The following ATOH8 variants were observed in gnomAD, a reference collection of about 807,000 sequenced individuals.
ATOH8 encodes transcription factor ATOH8.
A neutral mutation model predicts 21.2 loss-of-function variants in ATOH8; 9 were observed. The ratio of observed to expected loss-of-function variants is 0.42; its 90% CI spans 0.26 to 0.74. The LOEUF (loss-of-function observed/expected upper bound fraction) is 0.74, where lower values mean the gene tolerates loss of function less well. ATOH8 is among the 30% of genes least tolerant of loss of function. The pLI, the probability that ATOH8 is intolerant of heterozygous loss-of-function variation, is 0.24. For synonymous variants in ATOH8, 253 were observed against 224.0 expected (o/e 1.13, Z -1.16); for missense variants, 524 against 470.9 (o/e 1.11, Z -1.04).
At chr2:85,769,696 G>A (rs954257516) in intron 2 of ATOH8, among the ~76,000 whole-genome samples, 2 of 152,188 alleles carry the variant, frequency 1.3e-5, no homozygotes, top group Non-Finnish European at 2.9e-5. Context: ...CTGAGGGTGT[G>A]TAGGAGGGGC....
chr2:85,759,899 G>A (rs1312023354), intron 1 of ATOH8, among the ~76,000 whole-genome samples: 2 of 152,110 alleles, frequency 1.3e-5, no homozygotes, highest in African/African-American at 4.8e-5. Flanking sequence ...TCTCTGGTGG[G>A]TTCTCGGAGT....
intron 1 of ATOH8, 26 bp downstream of exon 1, chr2:85,754,983 C>T: frequency 1.3e-6 from 2 of 1,565,518 alleles, no homozygotes; most frequent in Non-Finnish European, 1.7e-6. Flanking sequence ...CGCACGCCCT[C>T]ACTGCGCCGG....
intron 2 of ATOH8, among the ~76,000 whole-genome samples, chr2:85,777,200 G>A (rs915603538): frequency 6.6e-6 from 1 of 152,156 alleles, no homozygotes; most frequent in African/African-American, 2.4e-5. Flanking sequence ...CTATAGAAAG[G>A]CTATGCATAA....
intron 2 of ATOH8, chr2:85,775,130 T>C: frequency 1.1e-6 from 1 of 928,380 alleles, no homozygotes; most frequent in African/African-American, 1.8e-5. Flanking sequence ...TGGTATGCTA[T>C]GTGACATAGG....
At chr2:85,757,032 A>ATGCAAACACACAGGCAGG (rs1390805951) in intron 1 of ATOH8, among the ~76,000 whole-genome samples, 1 of 152,236 alleles carries the variant, frequency 6.6e-6, no homozygotes, top group African/African-American at 2.4e-5. Context: ...TGTGTATGCA[A>ATGCAAACACACAGGCAGG]TGCAAACACA....
chr2:85,767,989 C>T (rs1014247175), intron 2 of ATOH8, among the ~76,000 whole-genome samples: 4 of 152,254 alleles, frequency 2.6e-5, no homozygotes, highest in Non-Finnish European at 5.9e-5. Flanking sequence ...GATTAGCACA[C>T]AGTCCCTGGG....
At position 85,787,819 on chromosome 2, in the gene ATOH8, G is replaced by A. The variant is rs1363821189; in HGVS notation, c.*929G>A. On this transcript the variant is annotated 3_prime_UTR_variant, in exon 3 of 3. Coordinates refer to ENST00000306279, the MANE Select transcript of ATOH8 (RefSeq NM_032827.7). ...GCACGTGGCCTGAGGAAGGAGTAGA[G>A]GCTGGGTTGGCTGGAGCCGTCCTAC... is the stretch of plus-strand genomic sequence containing the variant. 6.5e-6 allele frequency: 1 copy of A among 152,892 alleles called. No individual in the cohort carries two copies. The highest frequency in any genetic ancestry group is 1.5e-5 in the Non-Finnish European group (1 of 68,214). The allele number at this position is 152,892 out of a possible 1,614,324, so 9.5% of individuals were successfully genotyped here.
Position 85,754,599 on chromosome 2 carries a change from C to T in ATOH8, c.410C>T (p.Pro137Leu), listed in dbSNP as rs1194462865. The T allele has an allele frequency of 6.8e-7, 1 of 1,480,366 alleles. No individual in the cohort carries two copies. The highest frequency in any genetic ancestry group is 8.9e-7 in the Non-Finnish European group (1 of 1,123,534). The allele number at this position is 1,480,366 out of a possible 1,614,324, so 91.7% of individuals were successfully genotyped here. A position where few individuals can be genotyped will look rare whatever the true frequency, so the allele number is the denominator to read the frequency against. ...PPPPAPQSQA[P>L]GGPEAQPFRE... ...CCTCCTGCGCCCCAGAGCCAGGCACCTGGGGGCCCAGAGGCACAGCCTTTC... is the reference window on the plus strand; with the variant it reads ...CCTCCTGCGCCCCAGAGCCAGGCACTTGGGGGCCCAGAGGCACAGCCTTTC... Residue 137 changes from proline (P) to leucine (L), a missense_variant, in exon 1 of 3, where the codon CCT (proline) becomes CTT (leucine). Physicochemically the swap from Pro to Leu is moderately conservative, Grantham distance 98. Coordinates refer to ENST00000306279, the MANE Select transcript of ATOH8 (RefSeq NM_032827.7).
chr2:85,776,132 A>G (rs1044961521), intron 2 of ATOH8, among the ~76,000 whole-genome samples: 7 of 152,160 alleles, frequency 4.6e-5, no homozygotes, highest in Non-Finnish European at 1.0e-4. Context: ...TAAACATGGG[A>G]GTGAGATGAG....
At chr2:85,765,985 A>G (rs1305095745) in intron 2 of ATOH8, among the ~76,000 whole-genome samples, 1 of 152,176 alleles carries the variant, frequency 6.6e-6, no homozygotes, top group African/African-American at 2.4e-5. Context: ...GGTTAAGAGC[A>G]TAGCACAGCC....
chr2:85,784,542 A>G (rs1291860875), intron 2 of ATOH8, among the ~76,000 whole-genome samples: 1 of 146,430 alleles, frequency 6.8e-6, no homozygotes, highest in Non-Finnish European at 1.5e-5. Flanking sequence ...ACCCTGTTTC[A>G]AAAAAAAAAA....
chr2:85,776,653 G>A (rs373790129), intron 2 of ATOH8, among the ~76,000 whole-genome samples: 20 of 152,342 alleles, frequency 1.3e-4, no homozygotes, highest in African/African-American at 4.6e-4. Context: ...CCATGCACAT[G>A]GGAAGGAGGT....
chr2:85,755,766 A>G (rs1373555503), intron 1 of ATOH8, among the ~76,000 whole-genome samples: 2 of 152,128 alleles, frequency 1.3e-5, no homozygotes, highest in Non-Finnish European at 2.9e-5. Flanking sequence ...GTGGGGCGGG[A>G]CAATCGCTTG....
chr2:85,754,200 T>G lies in ATOH8; in HGVS notation c.11T>G (p.Ile4Ser). 3.1e-6 allele frequency: 5 copies of G among 1,594,334 alleles called. No individual in the cohort carries two copies. Among genetic ancestry groups the G allele is most frequent in the Non-Finnish European group, 4.3e-6 (5 of 1,172,304 alleles). Residue 4 changes from isoleucine (I) to serine (S), a missense_variant, in exon 1 of 3, where the codon ATC (isoleucine) becomes AGC (serine). Physicochemically the swap from Ile to Ser is moderately radical, Grantham distance 142. Coordinates refer to ENST00000306279, the MANE Select transcript of ATOH8 (RefSeq NM_032827.7). The part of the protein sequence containing the change: MKH[I>S]PVLEDGPWKT... ...CGCGCCGCCCGCGCCATGAAGCACA[T>G]CCCGGTCCTCGAGGACGGGCCGTGG...
rs763954227 is a variant in ATOH8 at position 85,754,709 on chromosome 2, C to A, written c.520C>A (p.Pro174Thr). ...APSAPPAPPAPPESTVRPAPP... is the reference protein window; with the variant it reads ...APSAPPAPPATPESTVRPAPP... Reference sequence around the variant, plus strand: ...GTCAGCACCCCCAGCACCGCCAGCGCCCCCGGAGTCCACTGTGCGCCCTGC... The same window carrying A: ...GTCAGCACCCCCAGCACCGCCAGCGACCCCGGAGTCCACTGTGCGCCCTGC... The change falls in exon 1 of 3, where the codon CCC becomes ACC. Residue 174 changes from proline to threonine, a missense_variant. Transcript: ENST00000306279. 3.7e-6 allele frequency: 6 copies of A among 1,610,360 alleles called. No individual in the cohort carries two copies. Among genetic ancestry groups the A allele is most frequent in the African/African-American group, 2.7e-5 (2 of 74,864 alleles).
chr2:85,754,095 G>C lies in ATOH8; in HGVS notation c.-95G>C. ...GGAGAAAGGGAGAGAGGGAGGGGGA[G>C]GGCGGGCGAAGCGGGAGAGCCAGAG... On this transcript the variant is annotated 5_prime_UTR_variant, in exon 1 of 3. Transcript: ENST00000306279. 7.4e-7 allele frequency: 1 copy of C among 1,342,340 alleles called. No homozygotes were observed. Among genetic ancestry groups the C allele is most frequent in the Non-Finnish European group, 9.6e-7 (1 of 1,038,716 alleles). The allele number at this position is 1,342,340 out of a possible 1,614,324, so 83.2% of individuals were successfully genotyped here.
intron 2 of ATOH8, among the ~76,000 whole-genome samples, chr2:85,768,458 T>G (rs965518731): frequency 1.3e-5 from 2 of 152,148 alleles, no homozygotes; most frequent in African/African-American, 2.4e-5. Flanking sequence ...GACCAAAGGC[T>G]GTGAGGCCGC....
intron 2 of ATOH8, among the ~76,000 whole-genome samples, chr2:85,770,081 G>A (rs1680138673): frequency 1.3e-5 from 2 of 152,206 alleles, no homozygotes; most frequent in African/African-American, 4.8e-5. Context: ...GGTTTGCCCT[G>A]AGAATACTGG....
chr2:85,755,690 C>T (rs1679668345), intron 1 of ATOH8, among the ~76,000 whole-genome samples: 1 of 152,120 alleles, frequency 6.6e-6, no homozygotes, highest in African/African-American at 2.4e-5. Context: ...CTGGTGCGGG[C>T]TGCCCTCACC....
Sources: gnomAD v4.1 joint callset for allele counts (sites outside exome capture counted in the v4.1 genomes callset) on GRCh38, gnomAD v4.1.1 for gene constraint, MANE v1.5 for transcripts, NCBI Gene and HGNC (gene_info 2026-07-23, HGNC 2026-07-21) for gene names.